The following ARID5B variants were observed in gnomAD, a reference collection of about 807,000 sequenced individuals.
ARID5B encodes the protein AT-rich interaction domain 5B, also known as AT-rich interactive domain-containing protein 5B.
Under a neutral mutation model 97.2 loss-of-function variants are expected in ARID5B, and 13 were observed. The observed-to-expected ratio is 0.13, with a 90% confidence interval of 0.09 to 0.21. ARID5B has a LOEUF of 0.21. Ranked by LOEUF, ARID5B falls within the 10% of genes least tolerant of loss-of-function variation. The pLI, the probability that ARID5B is intolerant of heterozygous loss-of-function variation, is 1.00. For missense variants in ARID5B, 1,210 were observed against 1,465.3 expected (o/e 0.83, Z 2.84); for synonymous variants, 556 against 570.3 (o/e 0.97, Z 0.36).
chr10:61,966,536 T>C (rs530446978), intron 3 of ARID5B, among the ~76,000 whole-genome samples: 2 of 152,298 alleles, frequency 1.3e-5, no homozygotes, highest in East Asian at 1.9e-4. Flanking sequence ...ATTTTTTTTT[T>C]CACATGCTCT....
At position 62,092,480 on chromosome 10, in the gene ARID5B, T is replaced by C. The variant is rs755809773; in HGVS notation, c.3017T>C (p.Ile1006Thr). The C allele has an allele frequency of 2.2e-5, 35 of 1,613,922 alleles. No homozygotes were observed. Among genetic ancestry groups the C allele is most frequent in the East Asian group, 8.9e-5 (4 of 44,896 alleles). ...CACCGGAAAATGAGCCCGCAGAACA[T>C]TGGGGCGGCGCGGCCGATCAAGCGC... ...ILHRKMSPQN[I>T]GAARPIKRSL... The change falls in exon 10 of 10, where the codon ATT becomes ACT. Residue 1006 changes from isoleucine to threonine, a missense_variant. Physicochemically the swap from Ile to Thr is moderately conservative, Grantham distance 89. Transcript: ENST00000279873.
chr10:62,055,645 A>C (rs1171487186), intron 5 of ARID5B, among the ~76,000 whole-genome samples: 1 of 152,230 alleles, frequency 6.6e-6, no homozygotes, highest in East Asian at 1.9e-4. Flanking sequence ...CAAAATCTAC[A>C]TGGGAAAATT....
At chr10:61,920,040 C>T (rs183056955) in intron 2 of ARID5B, among the ~76,000 whole-genome samples, 1 of 152,256 alleles carries the variant, frequency 6.6e-6, no homozygotes, top group Non-Finnish European at 1.5e-5. Context: ...CCCCAGAATT[C>T]CTTAAATGAC....
intron 8 of ARID5B, among the ~76,000 whole-genome samples, chr10:62,078,486 A>G (rs1840167529): frequency 6.6e-6 from 1 of 152,196 alleles, no homozygotes; most frequent in African/African-American, 2.4e-5. Context: ...TGGGTTTATT[A>G]TTCTTGAAAT....
chr10:61,919,045 C>G (rs866348654), intron 2 of ARID5B, among the ~76,000 whole-genome samples: 5 of 120,844 alleles, frequency 4.1e-5, no homozygotes, highest in African/African-American at 6.3e-5. Context: ...GTCCCCCCCC[C>G]CCCCCCCAAA....
chr10:61,945,270 T>C (rs528043391), intron 3 of ARID5B, among the ~76,000 whole-genome samples: 1 of 152,326 alleles, frequency 6.6e-6, no homozygotes, highest in Admixed American at 6.5e-5. Flanking sequence ...ATATTTTTTG[T>C]TTTTTATTTT....
chr10:61,903,891 C>A lies in ARID5B; in HGVS notation c.276+1478C>A, dbSNP rs542158591. On this transcript the variant is annotated intron_variant, in intron 2 of 9. Transcript: ENST00000279873. ...GCCCCTCCCACCTCCCCGCTCACCTCCCCCCTCCACCCTCCCCGGCCAGCT... is the reference window on the plus strand; with the variant it reads ...GCCCCTCCCACCTCCCCGCTCACCTACCCCCTCCACCCTCCCCGGCCAGCT... 2.9e-4 allele frequency among the ~76,000 whole-genome samples: 42 copies of A among 145,920 alleles called. No homozygotes were observed. In the South Asian group the frequency reaches 6.7e-3, roughly 23 times the overall value.
chr10:61,953,332 A>C (rs959459283), intron 3 of ARID5B, among the ~76,000 whole-genome samples: 1 of 152,228 alleles, frequency 6.6e-6, no homozygotes, highest in African/African-American at 2.4e-5. Flanking sequence ...ATGATGAAAC[A>C]TATACTTTTC....
At position 62,005,268 on chromosome 10, in the gene ARID5B, A is replaced by G. The variant is rs759838120; in HGVS notation, c.733+4947A>G. Among the ~76,000 whole-genome samples the G allele has an allele frequency of 1.2e-4, 18 of 152,320 alleles. No homozygotes were observed. In the East Asian group the frequency reaches 2.5e-3, roughly 21 times the overall value. On this transcript the variant is annotated intron_variant, in intron 4 of 9. Coordinates refer to ENST00000279873, the MANE Select transcript of ARID5B (RefSeq NM_032199.3). ...TTTAAAATCAGGGCTCAACCACCTG[A>G]TTCTCTATGCCTCTGGGCAAGTGAC...
At chr10:61,961,578 G>A (rs143852710) in intron 3 of ARID5B, among the ~76,000 whole-genome samples, 6 of 152,146 alleles carry the variant, frequency 3.9e-5, no homozygotes, top group East Asian at 1.9e-4. Context: ...CCCTTTTCGC[G>A]TGTCAGTTAC....
chr10:62,017,170 C>G (rs989614837), intron 4 of ARID5B, among the ~76,000 whole-genome samples: 3 of 152,088 alleles, frequency 2.0e-5, no homozygotes, highest in Non-Finnish European at 4.4e-5. Context: ...ATATAAACTG[C>G]CCAGACAGCA....
chr10:62,021,078 A>T (rs1402531993), intron 4 of ARID5B, among the ~76,000 whole-genome samples: 2 of 144,282 alleles, frequency 1.4e-5, no homozygotes, highest in Non-Finnish European at 3.0e-5. Context: ...ATCTCAGAAG[A>T]TAGAAGACAA....
intron 3 of ARID5B, among the ~76,000 whole-genome samples, chr10:61,959,329 T>C (rs1289335240): frequency 6.6e-6 from 1 of 152,192 alleles, no homozygotes; most frequent in East Asian, 1.9e-4. Flanking sequence ...TGAATAAAAC[T>C]TCTGTCACAT....
chr10:61,917,872 A>G (rs2132766145), intron 2 of ARID5B, among the ~76,000 whole-genome samples: 1 of 152,230 alleles, frequency 6.6e-6, no homozygotes, highest in South Asian at 2.1e-4. Context: ...TTTAGGCTTG[A>G]GGAGGGAGGC....
chr10:61,981,304 CAG>C (rs1248132067), intron 3 of ARID5B, among the ~76,000 whole-genome samples: 1 of 152,108 alleles, frequency 6.6e-6, no homozygotes, highest in Non-Finnish European at 1.5e-5. Flanking sequence ...TGTTTGGAGA[CAG>C]AGTCTTGCTC....
At chr10:61,910,735 A>C (rs184596811) in intron 2 of ARID5B, among the ~76,000 whole-genome samples, 181 of 152,366 alleles carry the variant, frequency 1.2e-3, no homozygotes, top group Non-Finnish European at 1.5e-3. Context: ...AATCTCTCGC[A>C]CACACTTGGG....
intron 3 of ARID5B, among the ~76,000 whole-genome samples, chr10:61,965,925 T>TA (rs1307154493): frequency 1.3e-5 from 2 of 152,232 alleles, no homozygotes; most frequent in Non-Finnish European, 2.9e-5. Flanking sequence ...TGAAATGTCT[T>TA]AATTTAGACA....
At chr10:61,969,538 G>C (rs1838595364) in intron 3 of ARID5B, among the ~76,000 whole-genome samples, 1 of 152,048 alleles carries the variant, frequency 6.6e-6, no homozygotes, top group East Asian at 1.9e-4. Flanking sequence ...AAGGGACCTG[G>C]CATTTTGTGA....
In ARID5B at chr10:62,091,389, C is replaced by G; in HGVS notation, c.1926C>G (p.Leu642=). ...QLGSDDIHNA[L]KQTPKVLVVQ... ...GCAGTGACGACATCCACAATGCGCT[C>G]AAGCAGACCCCAAAGGTCCTTGTGG... Residue 642 remains leucine, a synonymous_variant, in exon 10 of 10, where the codon CTC becomes CTG. Coordinates refer to ENST00000279873, the MANE Select transcript of ARID5B (RefSeq NM_032199.3). 6.2e-7 allele frequency: 1 copy of G among 1,614,000 alleles called. No individual in the cohort carries two copies.
Sources: gnomAD v4.1 joint callset for allele counts (sites outside exome capture counted in the v4.1 genomes callset) on GRCh38, gnomAD v4.1.1 for gene constraint, MANE v1.5 for transcripts, NCBI Gene and HGNC (gene_info 2026-07-23, HGNC 2026-07-21) for gene names.